The following CADM2 variants were observed in gnomAD, a reference collection of about 807,000 sequenced individuals.
CADM2 encodes cell adhesion molecule 2.
CADM2 carries 12 observed loss-of-function variants against 49.8 expected under a neutral mutation model. The ratio of observed to expected loss-of-function variants is 0.24; its 90% CI spans 0.15 to 0.39. The LOEUF is 0.39. CADM2 is among the 10% of genes least tolerant of loss of function. The probability of loss-of-function intolerance (pLI) is 1.00; values close to 1 mark genes in which losing one functional copy is unlikely to be tolerated. For missense variants in CADM2, 378 were observed against 492.3 expected, an observed-to-expected ratio of 0.77 and a Z score of 2.20; for synonymous variants, 214 against 175.4, an observed-to-expected ratio of 1.22 and a Z score of -1.74.
chr3:85,571,558 A>G (rs7623474), intron 1 of CADM2, among the ~76,000 whole-genome samples: 132,741 of 152,164 alleles, frequency 0.87, 58,053 homozygotes, highest in East Asian at 0.95. Context: ...CACTTAAAAT[A>G]GTTAAATCTT....
intron 1 of CADM2, among the ~76,000 whole-genome samples, chr3:85,411,572 CT>C (rs1176514171): frequency 6.6e-6 from 1 of 152,144 alleles, no homozygotes; most frequent in East Asian, 1.9e-4. Flanking sequence ...GATTTCCCTA[CT>C]GAACAGCGTA....
At chr3:86,055,212 A>T (rs1737777422) in intron 8 of CADM2, among the ~76,000 whole-genome samples, 1 of 152,124 alleles carries the variant, frequency 6.6e-6, no homozygotes, top group African/African-American at 2.4e-5. Flanking sequence ...GATATGACAT[A>T]TGCATATGTC....
At chr3:85,030,755 C>G (rs1443978792) in intron 1 of CADM2, among the ~76,000 whole-genome samples, 2 of 152,120 alleles carry the variant, frequency 1.3e-5, no homozygotes, top group African/African-American at 4.8e-5. Flanking sequence ...TTGGCGTACA[C>G]GAGTCCTCCA....
chr3:85,065,239 A>T (rs1029986279), intron 1 of CADM2, among the ~76,000 whole-genome samples: 6 of 152,104 alleles, frequency 3.9e-5, no homozygotes. Context: ...TTTATTTCAT[A>T]TAATCTACTA....
chr3:84,978,030 A>G (rs555204300), intron 1 of CADM2, among the ~76,000 whole-genome samples: 81 of 152,266 alleles, frequency 5.3e-4, no homozygotes, highest in Non-Finnish European at 1.1e-3. Flanking sequence ...ACATAAACAT[A>G]CAAAATACAT....
chr3:85,260,199 A>C (rs560638974), intron 1 of CADM2, among the ~76,000 whole-genome samples: 11 of 152,226 alleles, frequency 7.2e-5, no homozygotes, highest in African/African-American at 2.6e-4. Flanking sequence ...TGATTATACT[A>C]GATCAGTAAT....
chr3:85,003,292 T>C (rs1178362516), intron 1 of CADM2, among the ~76,000 whole-genome samples: 2 of 152,152 alleles, frequency 1.3e-5, no homozygotes, highest in Admixed American at 6.6e-5. Context: ...GAAAACCTAC[T>C]TCAGATTGTT....
At chr3:86,042,704 A>G (rs1404481158) in intron 8 of CADM2, among the ~76,000 whole-genome samples, 1 of 152,164 alleles carries the variant, frequency 6.6e-6, no homozygotes, top group African/African-American at 2.4e-5. Flanking sequence ...ATAGAAAAAG[A>G]GGGAATCCTC....
chr3:85,686,387 A>G (rs1433460410), intron 1 of CADM2, among the ~76,000 whole-genome samples: 1 of 152,140 alleles, frequency 6.6e-6, no homozygotes, highest in Non-Finnish European at 1.5e-5. Context: ...TGTCCTAAAA[A>G]TGTTAATGAA....
chr3:85,314,938 A>G (rs112523154), intron 1 of CADM2, among the ~76,000 whole-genome samples: 5 of 152,338 alleles, frequency 3.3e-5, no homozygotes, highest in African/African-American at 1.2e-4. Context: ...AACAATTACC[A>G]TAACCTAATT....
chr3:85,343,004 A>G (rs1486509509), intron 1 of CADM2, among the ~76,000 whole-genome samples: 1 of 152,136 alleles, frequency 6.6e-6, no homozygotes, highest in Non-Finnish European at 1.5e-5. Flanking sequence ...TCCATAATAC[A>G]TTGTAAGGTC....
intron 1 of CADM2, among the ~76,000 whole-genome samples, chr3:85,117,783 A>G (rs1345658270): frequency 6.6e-6 from 1 of 152,178 alleles, no homozygotes; most frequent in Non-Finnish European, 1.5e-5. Flanking sequence ...TTAAATACTT[A>G]TGAAGGATGT....
At chr3:85,349,651 G>A (rs1280488657) in intron 1 of CADM2, among the ~76,000 whole-genome samples, 10 of 152,088 alleles carry the variant, frequency 6.6e-5, no homozygotes, top group Non-Finnish European at 5.9e-5. Flanking sequence ...GATTGAACAT[G>A]TCAAAGACTT....
Position 85,151,724 on chromosome 3 carries a change from A to G in CADM2, c.61+192056A>G, listed in dbSNP as rs527837762. On this transcript the variant is annotated intron_variant, in intron 1 of 9. Coordinates refer to ENST00000383699, the MANE Select transcript of CADM2 (RefSeq NM_001167675.2). ...GTAAATAACAATACATTCATTTGTT[A>G]TAGTTTGGGAGGTTTGAAAATTCAA... is the stretch of plus-strand genomic sequence containing the variant. Among the ~76,000 whole-genome samples the G allele has an allele frequency of 6.6e-5, 10 of 152,270 alleles. No homozygotes were observed. The South Asian group carries it at 1.9e-3, about 28-fold the overall frequency.
chr3:85,544,697 G>C (rs1025939155), intron 1 of CADM2, among the ~76,000 whole-genome samples: 8 of 152,138 alleles, frequency 5.3e-5, no homozygotes, highest in Non-Finnish European at 1.0e-4. Context: ...TAAACCATTT[G>C]ACATGATAAC....
intron 1 of CADM2, among the ~76,000 whole-genome samples, chr3:85,101,408 C>A (rs192742655): frequency 6.6e-5 from 10 of 152,098 alleles, no homozygotes; most frequent in Admixed American, 6.6e-4. Context: ...TATATTATAA[C>A]GTATAAAGGC....
intron 1 of CADM2, among the ~76,000 whole-genome samples, chr3:85,268,877 C>G (rs1235903062): frequency 6.6e-6 from 1 of 151,194 alleles, no homozygotes; most frequent in Non-Finnish European, 1.5e-5. Context: ...CTATAATGCT[C>G]TCAGTTTTGA....
chr3:85,922,368 T>C (rs935102325), intron 6 of CADM2, among the ~76,000 whole-genome samples: 2 of 152,120 alleles, frequency 1.3e-5, no homozygotes, highest in Non-Finnish European at 2.9e-5. Flanking sequence ...AAAATAGTCA[T>C]ATCTACTATC....
chr3:85,435,124 C>T (rs759632168), intron 1 of CADM2, among the ~76,000 whole-genome samples: 4 of 151,982 alleles, frequency 2.6e-5, no homozygotes, highest in Non-Finnish European at 5.9e-5. Context: ...CACCCATCTA[C>T]CTATCATCTA....
Sources: allele counts gnomAD v4.1 joint callset (sites outside exome capture counted in the v4.1 genomes callset), GRCh38; gene constraint gnomAD v4.1.1; transcripts MANE v1.5; gene names NCBI Gene and HGNC (gene_info 2026-07-23, HGNC 2026-07-21).